SLC35F4: variants seen among roughly 807,000 people sequenced by gnomAD.
SLC35F4 encodes chromosome 14 open reading frame 36.
A neutral mutation model predicts 44.2 loss-of-function variants in SLC35F4; 24 were observed. The observed-to-expected ratio is 0.54, with a 90% CI of 0.39 to 0.76. The LOEUF is 0.76. Ranked by LOEUF, SLC35F4 falls within the 30% of genes least tolerant of loss-of-function variation. The probability of loss-of-function intolerance (pLI) is 0.00; values close to 1 mark genes in which losing one functional copy is unlikely to be tolerated. For missense variants in SLC35F4, 562 were observed against 586.1 expected (o/e 0.96, Z 0.42); for synonymous variants, 238 against 223.6 (o/e 1.06, Z -0.57).
At chr14:57,567,660 A>G (rs889669160) in intron 6 of SLC35F4, among the ~76,000 whole-genome samples, 9 of 152,250 alleles carry the variant, frequency 5.9e-5, no homozygotes, top group Admixed American at 1.3e-4. Context: ...AAGCTGCAAC[A>G]TAAATGAATA....
chr14:57,728,962 A>C (rs895925534), intron 1 of SLC35F4, among the ~76,000 whole-genome samples: 1 of 152,106 alleles, frequency 6.6e-6, no homozygotes. Context: ...TTCCTTCAGC[A>C]CTTTAAATAT....
chr14:57,734,744 G>GA (rs1009386735), intron 1 of SLC35F4, among the ~76,000 whole-genome samples: 13 of 151,940 alleles, frequency 8.6e-5, no homozygotes, highest in Admixed American at 2.6e-4. Context: ...TCTATTAAAT[G>GA]AAAAAAAATC....
chr14:57,871,220 T>C (rs372633759), intron 1 of SLC35F4, among the ~76,000 whole-genome samples: 1 of 152,168 alleles, frequency 6.6e-6, no homozygotes, highest in African/African-American at 2.4e-5. Context: ...GGATCACATG[T>C]GGGCTTGACT....
intron 1 of SLC35F4, among the ~76,000 whole-genome samples, chr14:57,819,641 T>TAAA (rs72330695): frequency 2.2e-5 from 3 of 139,292 alleles, no homozygotes; most frequent in South Asian, 2.3e-4. Flanking sequence ...CCATCTCTAC[T>TAAA]AAAAAAAAAA....
At chr14:57,977,183 A>G (rs973188749) in intron 1 of SLC35F4, among the ~76,000 whole-genome samples, 13 of 151,932 alleles carry the variant, frequency 8.6e-5, no homozygotes, top group Admixed American at 3.3e-4. Flanking sequence ...GCTTAGGGGA[A>G]TTTTTTTTGG....
At chr14:57,922,893 CT>C (rs1163170063) in intron 1 of SLC35F4, among the ~76,000 whole-genome samples, 5 of 152,204 alleles carry the variant, frequency 3.3e-5, no homozygotes, top group Non-Finnish European at 5.9e-5. Flanking sequence ...GGGAGATGAA[CT>C]GTGTTGTCCA....
At chr14:57,844,255 C>G (rs1235780669) in intron 1 of SLC35F4, among the ~76,000 whole-genome samples, 2 of 152,150 alleles carry the variant, frequency 1.3e-5, no homozygotes, top group African/African-American at 4.8e-5. Context: ...CAAGGATGCT[C>G]AAACCCCAGC....
chr14:57,907,179 T>A (rs1889117080), intron 1 of SLC35F4, among the ~76,000 whole-genome samples: 1 of 152,208 alleles, frequency 6.6e-6, no homozygotes, highest in African/African-American at 2.4e-5. Flanking sequence ...CTCAAACTCC[T>A]GGACTCAAGT....
chr14:57,786,174 A>G (rs1595059632), intron 1 of SLC35F4, among the ~76,000 whole-genome samples: 1 of 151,936 alleles, frequency 6.6e-6, no homozygotes, highest in South Asian at 2.1e-4. Context: ...AACCTGCATG[A>G]CTCAGCAGAG....
intron 1 of SLC35F4, among the ~76,000 whole-genome samples, chr14:57,883,380 C>T (rs1004363117): frequency 1.3e-5 from 2 of 152,160 alleles, no homozygotes; most frequent in African/African-American, 4.8e-5. Context: ...GGTAGTTACT[C>T]TGCAATAGGC....
intron 1 of SLC35F4, among the ~76,000 whole-genome samples, chr14:57,848,505 A>C (rs1886230880): frequency 6.6e-6 from 1 of 152,210 alleles, no homozygotes; most frequent in East Asian, 1.9e-4. Context: ...AGCAGATCTT[A>C]AGAAAACGAT....
chr14:57,572,058 C>G, intron 4 of SLC35F4, 39 bp from the exon 5 acceptor site: 1 of 1,587,594 alleles, frequency 6.3e-7, no homozygotes, highest in Non-Finnish European at 8.6e-7. Flanking sequence ...AAGCAATGAT[C>G]CCTCTGTATC....
chr14:57,950,433 T>C (rs998906365), intron 1 of SLC35F4, among the ~76,000 whole-genome samples: 5 of 151,560 alleles, frequency 3.3e-5, no homozygotes, highest in Non-Finnish European at 4.4e-5. Flanking sequence ...GTCCATATCC[T>C]GTATTTTTTT....
chr14:57,890,264 T>C (rs774856443), intron 1 of SLC35F4, among the ~76,000 whole-genome samples: 3 of 152,176 alleles, frequency 2.0e-5, no homozygotes, highest in Non-Finnish European at 4.4e-5. Context: ...CAAGATCAGG[T>C]GACCAAAGGC....
intron 1 of SLC35F4, among the ~76,000 whole-genome samples, chr14:57,625,670 C>T (rs1056060067): frequency 4.6e-5 from 7 of 152,062 alleles, no homozygotes; most frequent in South Asian, 4.1e-4. Context: ...ATCTGGTCTT[C>T]GACAAACCTG....
At chr14:57,820,705 A>G (rs1883086313) in intron 1 of SLC35F4, among the ~76,000 whole-genome samples, 1 of 152,238 alleles carries the variant, frequency 6.6e-6, no homozygotes, top group Non-Finnish European at 1.5e-5. Context: ...AAACTTCTCA[A>G]GGTTTAGAGT....
intron 1 of SLC35F4, among the ~76,000 whole-genome samples, chr14:57,854,320 T>A (rs559962609): frequency 6.0e-4 from 92 of 152,084 alleles, no homozygotes; most frequent in African/African-American, 2.1e-3. Context: ...TTTATAATTT[T>A]TAAAAAAAAA....
intron 1 of SLC35F4, among the ~76,000 whole-genome samples, chr14:57,848,140 C>G (rs1886200917): frequency 6.6e-6 from 1 of 152,164 alleles, no homozygotes; most frequent in Admixed American, 6.5e-5. Context: ...CAGAATTTCT[C>G]AAAGCCTGGA....
At chr14:57,600,573 TC>T in intron 1 of SLC35F4, among the ~76,000 whole-genome samples, 1 of 145,370 alleles carries the variant, frequency 6.9e-6, no homozygotes, top group East Asian at 2.0e-4. Flanking sequence ...GCGCCTGTAG[TC>T]CCAGCTACCT....
Sources: allele counts gnomAD v4.1 joint callset (sites outside exome capture counted in the v4.1 genomes callset), GRCh38; gene constraint gnomAD v4.1.1; transcripts MANE v1.5; gene names NCBI Gene and HGNC (gene_info 2026-07-23, HGNC 2026-07-21).